IHO1: variants seen among roughly 807,000 people sequenced by gnomAD.
IHO1 encodes interactor of HORMAD1 protein 1.
A neutral mutation model predicts 31.0 loss-of-function variants in IHO1; 13 were observed. That is an observed-to-expected ratio of 0.42 (90% CI 0.27 to 0.67). The LOEUF (loss-of-function observed/expected upper bound fraction) is 0.67. IHO1 is among the 30% of genes least tolerant of loss of function. IHO1 has a pLI of 0.24. For synonymous variants in IHO1, 221 were observed against 248.4 expected, an observed-to-expected ratio of 0.89 and a Z score of 1.04; for missense variants, 599 against 687.5, an observed-to-expected ratio of 0.87 and a Z score of 1.44.
chr3:49,201,378 C>A (rs376412911), intron 1 of IHO1, among the ~76,000 whole-genome samples: 1 of 151,980 alleles, frequency 6.6e-6, no homozygotes, highest in African/African-American at 2.4e-5. Flanking sequence ...GAGGCCAAGG[C>A]GGGTGGATCA....
intron 3 of IHO1, among the ~76,000 whole-genome samples, chr3:49,237,906 T>TC (rs2046579658): frequency 1.5e-5 from 2 of 129,356 alleles, no homozygotes; most frequent in Non-Finnish European, 3.3e-5. Flanking sequence ...TTTTTTTTTT[T>TC]TTTTTTTTTT....
chr3:49,233,036 T>G (rs896312424), intron 2 of IHO1, among the ~76,000 whole-genome samples: 2 of 152,124 alleles, frequency 1.3e-5, no homozygotes, highest in African/African-American at 2.4e-5. Context: ...TGAATGTACT[T>G]GTTTGGGAAG....
intron 1 of IHO1, among the ~76,000 whole-genome samples, chr3:49,210,309 T>C (rs2046192912): frequency 6.6e-6 from 1 of 152,094 alleles, no homozygotes; most frequent in Non-Finnish European, 1.5e-5. Context: ...CAATCTTAGC[T>C]CACTACAGCC....
rs1438348876 is a variant in IHO1 at position 49,256,866 on chromosome 3, A to G, written c.1369A>G (p.Ile457Val). 1.2e-6 allele frequency: 2 copies of G among 1,614,106 alleles called. No individual in the cohort carries two copies. The highest frequency in any genetic ancestry group is 3.3e-5 in the Admixed American group (2 of 60,028). The part of the protein sequence containing the change: ...KAHRAHRGRL[I>V]ASKQKQIPIQ... ...CCACAGGGCCCACAGAGGCAGGCTC[A>G]TAGCCAGCAAGCAAAAACAAATCCC... Residue 457 changes from isoleucine to valine, a missense_variant, in exon 8 of 8, where the codon ATA becomes GTA. Ile to Val is a conservative substitution (Grantham distance 29). Coordinates refer to ENST00000452691, the MANE Select transcript of IHO1 (RefSeq NM_001135197.2). The surrounding 1 kb of genome is among the most constrained non-coding windows in gnomAD (Gnocchi z 4.6).
intron 2 of IHO1, 62 bp downstream of exon 2, chr3:49,211,898 C>T: frequency 5.2e-6 from 5 of 954,446 alleles, no homozygotes; most frequent in South Asian, 2.6e-5. Flanking sequence ...CATGATGGCT[C>T]ACACCTGTAA....
chr3:49,225,522 G>A (rs1165026962), intron 2 of IHO1, among the ~76,000 whole-genome samples: 1 of 152,062 alleles, frequency 6.6e-6, no homozygotes, highest in Non-Finnish European at 1.5e-5. Flanking sequence ...GCTTGAGTTT[G>A]TTCCTTCCAA....
intron 2 of IHO1, among the ~76,000 whole-genome samples, chr3:49,226,579 G>T (rs1449876356): frequency 5.3e-5 from 8 of 152,120 alleles, no homozygotes; most frequent in Admixed American, 5.2e-4. Flanking sequence ...TCCCAGTGGG[G>T]ATCCATACTG....
At chr3:49,233,224 G>A (rs940384542) in intron 2 of IHO1, among the ~76,000 whole-genome samples, 3 of 152,182 alleles carry the variant, frequency 2.0e-5, no homozygotes, top group Admixed American at 2.0e-4. Context: ...AATATGGCAA[G>A]AGTTCCTGTT....
chr3:49,205,084 C>T (rs1020391279), intron 1 of IHO1, among the ~76,000 whole-genome samples: 1 of 151,490 alleles, frequency 6.6e-6, no homozygotes, highest in Non-Finnish European at 1.5e-5. Context: ...CCAAAAGCGG[C>T]TGGTTGGCTA....
intron 2 of IHO1, among the ~76,000 whole-genome samples, chr3:49,215,171 G>A (rs1055110221): frequency 4.7e-5 from 7 of 150,002 alleles, no homozygotes; most frequent in African/African-American, 1.5e-4. Context: ...CTGCCTTAGC[G>A]CCCCCAGTAG....
At chr3:49,245,142 C>T (rs1416981879) in intron 6 of IHO1, 1 of 387,990 alleles carries the variant, frequency 2.6e-6, no homozygotes, top group African/African-American at 2.0e-5. Context: ...TTCTTGCTGC[C>T]TTGGTTTCAG....
At chr3:49,217,506 T>TGGGGGGGG (rs2046303954) in intron 2 of IHO1, among the ~76,000 whole-genome samples, 1 of 3,950 alleles carries the variant, frequency 2.5e-4, no homozygotes, top group Non-Finnish European at 5.1e-4. Context: ...GCTGGGGGGC[T>TGGGGGGGG]GGGGGAGGGA....
intron 6 of IHO1, among the ~76,000 whole-genome samples, chr3:49,247,812 TA>T (rs977168765): frequency 7.6e-4 from 109 of 142,498 alleles, no homozygotes; most frequent in African/African-American, 2.7e-3. Context: ...TAAAACTAAA[TA>T]AATAAAATGA....
chr3:49,250,802 C>T (rs574478479), intron 6 of IHO1, among the ~76,000 whole-genome samples: 8 of 152,124 alleles, frequency 5.3e-5, no homozygotes, highest in Admixed American at 4.6e-4. Flanking sequence ...GAGGCCGAGG[C>T]GGGCAGATCA....
chr3:49,235,231 CTTT>C (rs769000160), intron 2 of IHO1, among the ~76,000 whole-genome samples: 1 of 135,010 alleles, frequency 7.4e-6, no homozygotes, highest in African/African-American at 2.7e-5. Context: ...ATATATAAAT[CTTT>C]TTTTTTTTTT....
At chr3:49,228,528 G>A (rs2046442933) in intron 2 of IHO1, among the ~76,000 whole-genome samples, 1 of 152,128 alleles carries the variant, frequency 6.6e-6, no homozygotes, top group African/African-American at 2.4e-5. Flanking sequence ...GCCCCACATT[G>A]GGCGCCAAAA....
At chr3:49,221,125 C>A (rs991112613) in intron 2 of IHO1, among the ~76,000 whole-genome samples, 3 of 152,120 alleles carry the variant, frequency 2.0e-5, no homozygotes, top group African/African-American at 7.2e-5. Context: ...TAGCTAGACA[C>A]AGAGTGCTGA....
intron 1 of IHO1, 46 bp from the exon 2 acceptor site, chr3:49,211,720 A>T: frequency 1.1e-6 from 1 of 942,012 alleles, no homozygotes; most frequent in South Asian, 1.4e-5. Context: ...CTTTGGAAAA[A>T]ATTATACTGT....
chr3:49,244,591 G>C, intron 5 of IHO1, 55 bp from the exon 6 acceptor site: 1 of 1,497,092 alleles, frequency 6.7e-7, no homozygotes. Context: ...AATTCTCTAA[G>C]ATAGTAGAAT....
Sources: allele counts gnomAD v4.1 joint callset (sites outside exome capture counted in the v4.1 genomes callset), GRCh38; gene constraint gnomAD v4.1.1; non-coding constraint Gnocchi (gnomAD v3.1); transcripts MANE v1.5; gene names NCBI Gene and HGNC (gene_info 2026-07-23, HGNC 2026-07-21).